DCUN1D4: variants seen among roughly 807,000 people sequenced by gnomAD.
DCUN1D4 encodes DCN1-like protein 4.
DCUN1D4 carries 22 observed loss-of-function variants against 47.9 expected under a neutral mutation model. The observed-to-expected ratio is 0.46, with a 90% CI of 0.33 to 0.66. The LOEUF is 0.66. DCUN1D4 is among the 30% of genes least tolerant of loss of function. DCUN1D4 has a pLI of 0.02. For synonymous variants in DCUN1D4, 121 were observed against 112.2 expected (o/e 1.08, Z -0.50); for missense variants, 301 against 340.8 (o/e 0.88, Z 0.92).
chr4:51,845,722 A>T (rs886602008), intron 1 of DCUN1D4, among the ~76,000 whole-genome samples: 1 of 152,190 alleles, frequency 6.6e-6, no homozygotes, highest in Non-Finnish European at 1.5e-5. Flanking sequence ...GAATATTGTA[A>T]TTTTTCTGAT....
At chr4:51,839,527 A>G (rs1056441034), upstream of DCUN1D4, among the ~76,000 whole-genome samples, 1 of 152,228 alleles carries the variant, frequency 6.6e-6, no homozygotes, top group Non-Finnish European at 1.5e-5. Flanking sequence ...GGGACAGCAA[A>G]TTCAGTTGGT....
At chr4:51,877,987 G>C (rs1727956914) in intron 5 of DCUN1D4, 133 bp downstream of exon 5, 30 of 501,488 alleles carry the variant, frequency 6.0e-5, no homozygotes, top group East Asian at 9.4e-5. Context: ...GTTAGAGGGA[G>C]AGAGGGACAT....
At chr4:51,907,851 G>A (rs1044220670) in intron 8 of DCUN1D4, among the ~76,000 whole-genome samples, 8 of 152,156 alleles carry the variant, frequency 5.3e-5, no homozygotes, top group Non-Finnish European at 7.4e-5. Context: ...CATGTTTACA[G>A]TTAACTATTT....
intron 6 of DCUN1D4, among the ~76,000 whole-genome samples, chr4:51,889,536 T>C (rs1441673296): frequency 6.6e-6 from 1 of 152,254 alleles, no homozygotes; most frequent in Non-Finnish European, 1.5e-5. Flanking sequence ...GTACCTGTTT[T>C]GGCTCTTTAG....
At chr4:51,888,644 A>G (rs893298364) in intron 6 of DCUN1D4, among the ~76,000 whole-genome samples, 2 of 150,376 alleles carry the variant, frequency 1.3e-5, no homozygotes, top group Admixed American at 6.7e-5. Context: ...GCTTGAACCC[A>G]GGAGGTGGAG....
At chr4:51,882,355 T>C (rs1422492575) in intron 5 of DCUN1D4, among the ~76,000 whole-genome samples, 1 of 152,116 alleles carries the variant, frequency 6.6e-6, no homozygotes, top group Admixed American at 6.5e-5. Context: ...ATGGTGAACA[T>C]TGACAGAAAG....
At chr4:51,898,359 G>T (rs771677783) in intron 7 of DCUN1D4, among the ~76,000 whole-genome samples, 1 of 152,142 alleles carries the variant, frequency 6.6e-6, no homozygotes, top group Non-Finnish European at 1.5e-5. Flanking sequence ...CTTGTGGCAG[G>T]GGGGCAGACT....
At chr4:51,844,747 A>C in intron 1 of DCUN1D4, 3 of 795,640 alleles carry the variant, frequency 3.8e-6, no homozygotes, top group Non-Finnish European at 4.6e-6. Flanking sequence ...GTCAACGGGT[A>C]TGAAGGGGAA....
At chr4:51,855,416 A>G (rs1248706058) in intron 1 of DCUN1D4, among the ~76,000 whole-genome samples, 1 of 152,208 alleles carries the variant, frequency 6.6e-6, no homozygotes, top group Non-Finnish European at 1.5e-5. Flanking sequence ...GGAAGTGGTA[A>G]GTGCTATGAA....
At chr4:51,869,728 G>A (rs1444641094) in intron 3 of DCUN1D4, among the ~76,000 whole-genome samples, 1 of 152,146 alleles carries the variant, frequency 6.6e-6, no homozygotes, top group Admixed American at 6.6e-5. Context: ...GTCTGAACCA[G>A]GTGAACTCAA....
At chr4:51,839,186 A>AGAAGGAAGGAAGGAAGGAAG (rs35432661), upstream of DCUN1D4, among the ~76,000 whole-genome samples, 7 of 141,542 alleles carry the variant, frequency 4.9e-5, no homozygotes, top group African/African-American at 1.7e-4. Context: ...GGAAGAAAGG[A>AGAAGGAAGGAAGGAAGGAAG]GAAGGAAGGA....
chr4:51,902,276 A>G (rs1013769615), intron 8 of DCUN1D4, among the ~76,000 whole-genome samples: 21 of 152,184 alleles, frequency 1.4e-4, no homozygotes, highest in African/African-American at 3.9e-4. Flanking sequence ...ATAAATGTCA[A>G]TTAGGTCAAG....
At chr4:51,851,631 A>G (rs1396656972) in intron 1 of DCUN1D4, among the ~76,000 whole-genome samples, 1 of 152,016 alleles carries the variant, frequency 6.6e-6, no homozygotes, top group Admixed American at 6.6e-5. Flanking sequence ...GTGGAAAGGA[A>G]CTGAGAGAAG....
the DCUN1D4 span, among the ~76,000 whole-genome samples, chr4:51,835,185 A>T: frequency 2.0e-5 from 3 of 152,278 alleles, no homozygotes; most frequent in Non-Finnish European, 4.4e-5. Flanking sequence ...AACATAGCAC[A>T]GTGAGTAAAA....
At chr4:51,888,826 G>A (rs1017161228) in intron 6 of DCUN1D4, among the ~76,000 whole-genome samples, 7 of 152,016 alleles carry the variant, frequency 4.6e-5, no homozygotes, top group Non-Finnish European at 1.0e-4. Context: ...AAGTATGTAG[G>A]CCAGGCGTGG....
intron 6 of DCUN1D4, 142 bp downstream of exon 6, chr4:51,886,780 T>C (rs1449214685): frequency 1.1e-5 from 7 of 665,666 alleles, no homozygotes; most frequent in Non-Finnish European, 1.6e-5. Flanking sequence ...GTTCTAATTC[T>C]AGTTTGACTT....
intron 5 of DCUN1D4, among the ~76,000 whole-genome samples, chr4:51,883,101 G>A (rs1405147674): frequency 6.6e-6 from 1 of 152,142 alleles, no homozygotes; most frequent in Non-Finnish European, 1.5e-5. Flanking sequence ...AACATAAAAT[G>A]TATTAATATT....
intron 1 of DCUN1D4, among the ~76,000 whole-genome samples, chr4:51,855,682 C>A (rs771284127): frequency 6.6e-6 from 1 of 152,182 alleles, no homozygotes; most frequent in Non-Finnish European, 1.5e-5. Flanking sequence ...TAGGTCAGAT[C>A]ACGTAGAGCC....
At chr4:51,874,137 C>A in intron 3 of DCUN1D4, 134 bp from the exon 4 acceptor site, 1 of 478,478 alleles carries the variant, frequency 2.1e-6, no homozygotes, top group Non-Finnish European at 3.5e-6. Context: ...ACTAAAAACC[C>A]ATCTTTTCTT....
Sources: allele counts gnomAD v4.1 joint callset (sites outside exome capture counted in the v4.1 genomes callset), GRCh38; gene constraint gnomAD v4.1.1; transcripts MANE v1.5; gene names NCBI Gene and HGNC (gene_info 2026-07-23, HGNC 2026-07-21).